KCNH1: variants seen among roughly 807,000 people sequenced by gnomAD.
KCNH1 encodes potassium voltage-gated channel subfamily H member 1.
KCNH1 carries 27 observed loss-of-function variants against 69.2 expected under a neutral mutation model. The ratio of observed to expected loss-of-function variants is 0.39; its 90% CI spans 0.29 to 0.54. KCNH1 has a LOEUF of 0.54. Ranked by LOEUF, KCNH1 falls within the 20% of genes least tolerant of loss-of-function variation. The pLI is 0.68. For synonymous variants in KCNH1, 456 were observed against 487.7 expected (o/e 0.93, Z 0.86); for missense variants, 798 against 1,261.6 (o/e 0.63, Z 5.57).
chr1:210,891,318 C>T (rs1284213781), intron 7 of KCNH1, among the ~76,000 whole-genome samples: 1 of 152,134 alleles, frequency 6.6e-6, no homozygotes, highest in East Asian at 1.9e-4. Flanking sequence ...CATGTTCTCA[C>T]TCATAGGTGG....
At chr1:210,949,538 C>T (rs1688023061) in intron 6 of KCNH1, among the ~76,000 whole-genome samples, 1 of 152,238 alleles carries the variant, frequency 6.6e-6, no homozygotes, top group African/African-American at 2.4e-5. Flanking sequence ...TCTCTCCCAA[C>T]ATGACAGTAA....
chr1:210,970,184 G>T (rs1688485890), intron 6 of KCNH1, among the ~76,000 whole-genome samples: 1 of 151,914 alleles, frequency 6.6e-6, no homozygotes, highest in African/African-American at 2.4e-5. Flanking sequence ...TGCCATGGTG[G>T]TTTGCTGCAC....
At chr1:210,983,192 T>G (rs961389953) in intron 6 of KCNH1, among the ~76,000 whole-genome samples, 3 of 152,212 alleles carry the variant, frequency 2.0e-5, no homozygotes, top group African/African-American at 7.2e-5. Context: ...ATGAGTAGAT[T>G]GCAGAAATGT....
In KCNH1 at chr1:210,805,342, T is replaced by C. The variant is rs543875539; in HGVS notation, c.1463-1176A>G. Among the ~76,000 whole-genome samples the C allele has an allele frequency of 3.1e-4, 47 of 152,328 alleles. 1 individual carries two copies. Among genetic ancestry groups the C allele is most frequent in the Middle Eastern group, 6.8e-3 (2 of 294 alleles). On this transcript the variant is annotated intron_variant, in intron 7 of 10. Transcript: ENST00000271751. ...TAATAAACTGCACATGCTTAAAGTA[T>C]ATAATTTGCTATGTTTTGACATATA...
chr1:210,868,455 G>A (rs1344778775), intron 7 of KCNH1, among the ~76,000 whole-genome samples: 2 of 151,486 alleles, frequency 1.3e-5, no homozygotes, highest in East Asian at 3.9e-4. Context: ...CAAATGTTTT[G>A]TGTCGTAAGA....
At chr1:211,026,538 G>A (rs1689688387) in intron 5 of KCNH1, among the ~76,000 whole-genome samples, 1 of 152,126 alleles carries the variant, frequency 6.6e-6, no homozygotes, top group Admixed American at 6.5e-5. Context: ...CCCCGCCTCA[G>A]CTACGCCAGC....
intron 7 of KCNH1, chr1:210,862,165 A>T: frequency 7.4e-7 from 1 of 1,348,224 alleles, no homozygotes; most frequent in Non-Finnish European, 1.1e-6. Context: ...AGTAATCTGG[A>T]GCAGCGTTGA....
Position 211,009,637 on chromosome 1 carries a change from C to T in KCNH1, c.1032+9146G>A, listed in dbSNP as rs568010788. On this transcript the variant is annotated intron_variant, in intron 6 of 10. Transcript: ENST00000271751. ...TTTTTCTTTTTTTTTGAGATGGAGT[C>T]GCGCTCTGTCACCCAGGCTGGAGTG... is the stretch of plus-strand genomic sequence containing the variant. 1.5e-4 allele frequency among the ~76,000 whole-genome samples: 22 copies of T among 150,586 alleles called. No homozygotes were observed. In the East Asian group the frequency reaches 2.3e-3, roughly 16 times the overall value.
At chr1:210,688,564 C>T (rs1157400854) in intron 10 of KCNH1, among the ~76,000 whole-genome samples, 2 of 152,212 alleles carry the variant, frequency 1.3e-5, no homozygotes, top group African/African-American at 4.8e-5. Flanking sequence ...CACACATAGG[C>T]TCCTGAAGGA....
chr1:210,872,149 C>CAAAAAA (rs60497732), intron 7 of KCNH1, among the ~76,000 whole-genome samples: 3 of 77,698 alleles, frequency 3.9e-5, no homozygotes, highest in Non-Finnish European at 5.3e-5. Flanking sequence ...GGAAGAGCAC[C>CAAAAAA]AAAAAAAAAA....
intron 5 of KCNH1, among the ~76,000 whole-genome samples, chr1:211,032,506 A>G (rs1213767161): frequency 6.6e-6 from 1 of 152,206 alleles, no homozygotes; most frequent in African/African-American, 2.4e-5. Flanking sequence ...ACCTGACTTC[A>G]AACTATACTA....
In KCNH1 at chr1:210,908,696, A is replaced by T. The variant is rs1018255397; in HGVS notation, c.1462+10944T>A. Among the ~76,000 whole-genome samples the T allele has an allele frequency of 3.3e-5, 5 of 152,148 alleles. No homozygotes were observed. In the East Asian group the frequency reaches 9.6e-4, roughly 29 times the overall value. ...TAACTTCCTCACACCAAACCGAGTGATCTTTAAGAAGGGGGCCCAGCCCTC... is the reference window on the plus strand; with the variant it reads ...TAACTTCCTCACACCAAACCGAGTGTTCTTTAAGAAGGGGGCCCAGCCCTC... On this transcript the variant is annotated intron_variant, in intron 7 of 10. Coordinates refer to ENST00000271751, the MANE Select transcript of KCNH1 (RefSeq NM_172362.3).
intron 10 of KCNH1, among the ~76,000 whole-genome samples, chr1:210,686,892 T>C (rs906478001): frequency 1.3e-5 from 2 of 152,234 alleles, no homozygotes; most frequent in Admixed American, 1.3e-4. Context: ...GCAATGATTT[T>C]CCATTTTGTT....
In KCNH1 at chr1:210,692,230, A is replaced by C. The variant is rs1244484635; in HGVS notation, c.2113-8092T>G. Among the ~76,000 whole-genome samples, 3 of 152,330 alleles carry C rather than the reference A, an allele frequency of 2.0e-5. No homozygotes were observed. In the East Asian group the frequency reaches 5.8e-4, roughly 29 times the overall value. Reference sequence around the variant, plus strand: ...CCCTCCTAGACTGGTGGGCATGGGCAGTAGGTGGATTGGACATATCTACTT... The same window carrying C: ...CCCTCCTAGACTGGTGGGCATGGGCCGTAGGTGGATTGGACATATCTACTT... On this transcript the variant is annotated intron_variant, in intron 10 of 10. Coordinates refer to ENST00000271751, the MANE Select transcript of KCNH1 (RefSeq NM_172362.3).
intron 7 of KCNH1, among the ~76,000 whole-genome samples, chr1:210,826,324 A>C (rs1418230016): frequency 2.0e-5 from 3 of 151,966 alleles, no homozygotes; most frequent in Admixed American, 6.6e-5. Flanking sequence ...GTTTATGAGG[A>C]GCTATCTACA....
chr1:210,775,282 C>A, intron 10 of KCNH1, 66 bp downstream of exon 10: 2 of 1,393,710 alleles, frequency 1.4e-6, no homozygotes, highest in South Asian at 1.3e-5. Context: ...CTTTTCTGGT[C>A]ACAGTGATTA....
chr1:210,891,142 A>T lies in KCNH1; in HGVS notation c.1462+28498T>A, dbSNP rs191559026. The stretch of plus-strand genomic sequence containing the variant: ...AAAGCAAAGACTTGGAACCAACCCA[A>T]GTGTCCATCAATGATAGACTGGATT... On this transcript the variant is annotated intron_variant, in intron 7 of 10. Coordinates refer to ENST00000271751, the MANE Select transcript of KCNH1 (RefSeq NM_172362.3). 6.4e-4 allele frequency among the ~76,000 whole-genome samples: 98 copies of T among 152,336 alleles called. No individual in the cohort carries two copies. In the East Asian group the frequency reaches 0.016, roughly 25 times the overall value.
In KCNH1 at chr1:211,096,142, C is replaced by A. The variant is rs574793059; in HGVS notation, c.311-5452G>T. On this transcript the variant is annotated intron_variant, in intron 3 of 10. Transcript: ENST00000271751. ...GCAGTGGCGCAATCTCAGCTCACTG[C>A]AACTTCCACCTCCCAGGCTCAAGCG... Among the ~76,000 whole-genome samples, 8 of 152,210 alleles carry A rather than the reference C, an allele frequency of 5.3e-5. No homozygotes were observed. In the South Asian group the frequency reaches 1.7e-3, roughly 32 times the overall value.
At chr1:210,773,930 G>T (rs1395697730) in intron 10 of KCNH1, among the ~76,000 whole-genome samples, 1 of 152,178 alleles carries the variant, frequency 6.6e-6, no homozygotes, top group Non-Finnish European at 1.5e-5. Flanking sequence ...AGTTTTTAGG[G>T]CTAACAGGGG....
Sources: allele counts gnomAD v4.1 joint callset (sites outside exome capture counted in the v4.1 genomes callset), GRCh38; gene constraint gnomAD v4.1.1; transcripts MANE v1.5; gene names NCBI Gene and HGNC (gene_info 2026-07-23, HGNC 2026-07-21).